The following CADM2 variants were observed in gnomAD, a reference collection of about 807,000 sequenced individuals.
CADM2 encodes cell adhesion molecule 2.
CADM2 carries 12 observed loss-of-function variants against 49.8 expected under a neutral mutation model. The ratio of observed to expected loss-of-function variants is 0.24; its 90% CI spans 0.15 to 0.39. The LOEUF (loss-of-function observed/expected upper bound fraction) is 0.39. Among genes scored for constraint, CADM2 ranks in the 10% least tolerant of loss-of-function variants. The pLI is 1.00. For missense variants in CADM2, 378 were observed against 492.3 expected, an observed-to-expected ratio of 0.77 and a Z score of 2.20; for synonymous variants, 214 against 175.4, an observed-to-expected ratio of 1.22 and a Z score of -1.74.
intron 1 of CADM2, among the ~76,000 whole-genome samples, chr3:85,291,765 C>T (rs1451966769): frequency 6.8e-6 from 1 of 147,610 alleles, no homozygotes; most frequent in Non-Finnish European, 1.5e-5. Flanking sequence ...ACCCGGCCTG[C>T]CCTAAAAGAG....
At chr3:85,243,805 A>C (rs1313622491) in intron 1 of CADM2, among the ~76,000 whole-genome samples, 2 of 152,098 alleles carry the variant, frequency 1.3e-5, no homozygotes, top group Admixed American at 1.3e-4. Context: ...TGGACTTTTC[A>C]TGATCCTCTT....
chr3:86,037,912 G>T (rs765568176), intron 8 of CADM2, among the ~76,000 whole-genome samples: 1 of 151,982 alleles, frequency 6.6e-6, no homozygotes. Context: ...GTGCCATGGC[G>T]GTTTGCTGCA....
intron 1 of CADM2, among the ~76,000 whole-genome samples, chr3:85,439,406 G>A (rs1180074227): frequency 1.3e-5 from 2 of 151,988 alleles, no homozygotes; most frequent in Non-Finnish European, 2.9e-5. Context: ...GCCCGCCTCG[G>A]CCTATCAAAG....
At chr3:85,691,823 T>G (rs1444045708) in intron 1 of CADM2, among the ~76,000 whole-genome samples, 7 of 152,152 alleles carry the variant, frequency 4.6e-5, no homozygotes, top group Admixed American at 2.0e-4. Flanking sequence ...ATGTCCTTTG[T>G]AGGGACATGG....
intron 7 of CADM2, among the ~76,000 whole-genome samples, chr3:85,951,596 C>G (rs532383082): frequency 4.0e-5 from 6 of 151,040 alleles, no homozygotes; most frequent in South Asian, 2.1e-4. Flanking sequence ...TCTAATCACA[C>G]ATTCTTAATG....
chr3:85,076,351 A>C (rs1385838716), intron 1 of CADM2, among the ~76,000 whole-genome samples: 1 of 104,142 alleles, frequency 9.6e-6, no homozygotes, highest in Admixed American at 1.1e-4. Flanking sequence ...TGTGGTGTGC[A>C]TGGTTTTTCT....
At chr3:85,571,704 T>C (rs2062483276) in intron 1 of CADM2, among the ~76,000 whole-genome samples, 2 of 152,308 alleles carry the variant, frequency 1.3e-5, no homozygotes, top group South Asian at 2.1e-4. Flanking sequence ...CTCCCAAAGA[T>C]ATTTGGATTG....
chr3:85,805,221 G>A (rs781255568), intron 3 of CADM2, among the ~76,000 whole-genome samples: 3 of 152,160 alleles, frequency 2.0e-5, no homozygotes, highest in Non-Finnish European at 4.4e-5. Context: ...TGGGATTACA[G>A]GCATGAGCCA....
chr3:85,834,171 A>C (rs970581418), intron 3 of CADM2, among the ~76,000 whole-genome samples: 1 of 151,660 alleles, frequency 6.6e-6, no homozygotes, highest in East Asian at 1.9e-4. Context: ...TGGATCTACT[A>C]TTAACTCACT....
At chr3:85,869,929 G>A (rs1256531987) in intron 3 of CADM2, among the ~76,000 whole-genome samples, 1 of 152,126 alleles carries the variant, frequency 6.6e-6, no homozygotes, top group Non-Finnish European at 1.5e-5. Context: ...CCAAAGTGCT[G>A]GGATTACAGG....
intron 1 of CADM2, among the ~76,000 whole-genome samples, chr3:85,324,138 T>C (rs2044687435): frequency 1.3e-5 from 2 of 152,196 alleles, no homozygotes; most frequent in South Asian, 4.1e-4. Context: ...AAATTAGCAC[T>C]CAAATATTTG....
intron 1 of CADM2, among the ~76,000 whole-genome samples, chr3:85,438,057 G>C (rs556341567): frequency 1.3e-5 from 2 of 151,838 alleles, no homozygotes; most frequent in Non-Finnish European, 2.9e-5. Context: ...ATTGCTTTCA[G>C]TACTTTCTCA....
chr3:85,720,032 A>G (rs2067442521), intron 1 of CADM2, among the ~76,000 whole-genome samples: 1 of 152,154 alleles, frequency 6.6e-6, no homozygotes, highest in South Asian at 2.1e-4. Context: ...TGAAGTATCT[A>G]ATGTTCAACT....
chr3:85,668,654 T>A (rs955452678), intron 1 of CADM2, among the ~76,000 whole-genome samples: 7 of 152,178 alleles, frequency 4.6e-5, no homozygotes, highest in Non-Finnish European at 8.8e-5. Flanking sequence ...ATGTAAGATG[T>A]GACTTGTTCC....
intron 1 of CADM2, among the ~76,000 whole-genome samples, chr3:85,069,298 G>A (rs529436671): frequency 3.3e-4 from 50 of 152,020 alleles, no homozygotes; most frequent in Middle Eastern, 3.4e-3. Flanking sequence ...CTACAATTTT[G>A]AGACATTGTA....
chr3:85,339,943 A>G (rs1437547254), intron 1 of CADM2, among the ~76,000 whole-genome samples: 2 of 151,410 alleles, frequency 1.3e-5, no homozygotes, highest in African/African-American at 4.8e-5. Context: ...TCTAAAATAT[A>G]CCCATGAGAT....
At chr3:85,261,936 T>A (rs74806514) in intron 1 of CADM2, among the ~76,000 whole-genome samples, 7,034 of 152,184 alleles carry the variant, frequency 0.046, 444 homozygotes, top group African/African-American at 0.14. Context: ...TCATTTGAGA[T>A]TTTGAAGACA....
chr3:85,031,924 T>G (rs1252949202), intron 1 of CADM2, among the ~76,000 whole-genome samples: 1 of 152,218 alleles, frequency 6.6e-6, no homozygotes, highest in Non-Finnish European at 1.5e-5. Flanking sequence ...GTATAGGAAT[T>G]TTTTCATTTT....
chr3:86,028,102 A>C (rs1053014129), intron 8 of CADM2: 4 of 151,380 alleles, frequency 2.6e-5, no homozygotes, highest in Non-Finnish European at 4.4e-5. Flanking sequence ...CCTAATGTTA[A>C]ATGATGAGTT....
Sources: gnomAD v4.1 joint callset for allele counts (sites outside exome capture counted in the v4.1 genomes callset) on GRCh38, gnomAD v4.1.1 for gene constraint, MANE v1.5 for transcripts, NCBI Gene and HGNC (gene_info 2026-07-23, HGNC 2026-07-21) for gene names.